CCNY: variants seen among roughly 807,000 people sequenced by gnomAD.
CCNY encodes the protein cyclin-Y.
A neutral mutation model predicts 42.8 loss-of-function variants in CCNY; 19 were observed. That is an observed-to-expected ratio of 0.44 (90% CI 0.31 to 0.65). CCNY has a LOEUF of 0.65. CCNY is among the 30% of genes least tolerant of loss of function. The pLI is 0.07. For missense variants in CCNY, 370 were observed against 437.3 expected, an observed-to-expected ratio of 0.85 and a Z score of 1.37; for synonymous variants, 165 against 162.7, an observed-to-expected ratio of 1.01 and a Z score of -0.11.
At chr10:35,539,965 T>A (rs1245804184) in intron 7 of CCNY, among the ~76,000 whole-genome samples, 2 of 152,234 alleles carry the variant, frequency 1.3e-5, no homozygotes, top group Admixed American at 1.3e-4. Context: ...ATTCTAATAA[T>A]TTTTTCAGTA....
intron 1 of CCNY, among the ~76,000 whole-genome samples, chr10:35,363,682 C>T (rs948826541): frequency 6.6e-6 from 1 of 152,156 alleles, no homozygotes; most frequent in Non-Finnish European, 1.5e-5. Context: ...CTCCGCCCCA[C>T]GACCTCCCCG....
intron 1 of CCNY, among the ~76,000 whole-genome samples, chr10:35,402,411 T>C (rs1837663752): frequency 6.6e-6 from 1 of 152,214 alleles, no homozygotes; most frequent in Admixed American, 6.5e-5. Flanking sequence ...GTGTTATTGT[T>C]TGCTTGGTTG....
At chr10:35,433,945 CA>C (rs147984383) in intron 1 of CCNY, among the ~76,000 whole-genome samples, 28 of 152,294 alleles carry the variant, frequency 1.8e-4, no homozygotes, top group African/African-American at 6.5e-4. Context: ...TGCATGTTAC[CA>C]CAGGAATTTG....
intron 3 of CCNY, among the ~76,000 whole-genome samples, chr10:35,510,975 T>A (rs1018155316): frequency 6.6e-6 from 1 of 152,216 alleles, no homozygotes; most frequent in African/African-American, 2.4e-5. Flanking sequence ...CCTGCCTGTC[T>A]GGAGTGTCTC....
At position 35,526,018 on chromosome 10, in the gene CCNY, G is replaced by A; in HGVS notation, c.401+19G>A. On this transcript the variant is annotated intron_variant, in intron 5 of 9. Transcript: ENST00000374704. ...AAAACAGGTATGTGGATGGTTGTGT[G>A]CTAAAAACATCATACGTTATCTTCT... is the stretch of plus-strand genomic sequence containing the variant. The A allele has an allele frequency of 6.2e-7, 1 of 1,601,514 alleles. No homozygotes were observed. Among genetic ancestry groups the A allele is most frequent in the Non-Finnish European group, 8.5e-7 (1 of 1,171,562 alleles).
Position 35,530,087 on chromosome 10 carries a change from C to G in CCNY, c.460-37C>G. On this transcript the variant is annotated intron_variant, in intron 6 of 9. Coordinates refer to ENST00000374704, the MANE Select transcript of CCNY (RefSeq NM_145012.6). The surrounding 1 kb of genome is among the most constrained non-coding windows in gnomAD (Gnocchi z 4.3). The stretch of plus-strand genomic sequence containing the variant: ...TTAATTATTTCTCTTTTGCTCCAAT[C>G]GGGAGATCAGTCATCTGAAAATATT... The G allele has an allele frequency of 6.2e-7, 1 of 1,614,064 alleles. No individual in the cohort carries two copies. The highest frequency in any genetic ancestry group is 1.1e-5 in the South Asian group (1 of 91,082).
intron 1 of CCNY, among the ~76,000 whole-genome samples, chr10:35,439,286 T>C (rs537324022): frequency 2.6e-5 from 4 of 152,210 alleles, no homozygotes; most frequent in Non-Finnish European, 5.9e-5. Context: ...GGCTCTATTA[T>C]TAGCTTTATT....
chr10:35,263,315 C>T (rs994838661), intron 3 of CCNY, among the ~76,000 whole-genome samples: 24 of 144,410 alleles, frequency 1.7e-4, no homozygotes, highest in Non-Finnish European at 2.8e-4. Flanking sequence ...CGAGATCGCG[C>T]CACTGCACTC....
intron 3 of CCNY, among the ~76,000 whole-genome samples, chr10:35,287,227 G>A (rs1259285424): frequency 6.6e-6 from 1 of 152,216 alleles, no homozygotes; most frequent in African/African-American, 2.4e-5. Context: ...TTCTTCAAAA[G>A]GGGAGAAAGC....
At chr10:35,334,843 T>C (rs1241160021), upstream of CCNY, among the ~76,000 whole-genome samples, 1 of 152,214 alleles carries the variant, frequency 6.6e-6, no homozygotes, top group Non-Finnish European at 1.5e-5. Context: ...GTTCACACGA[T>C]GTCCACACAT....
chr10:35,421,852 A>C (rs1027985199), intron 1 of CCNY, among the ~76,000 whole-genome samples: 1 of 152,142 alleles, frequency 6.6e-6, no homozygotes, highest in African/African-American at 2.4e-5. Context: ...AGTAAATATA[A>C]ATACAGTAAT....
chr10:35,464,530 C>T (rs561082413), intron 1 of CCNY, among the ~76,000 whole-genome samples: 2 of 151,918 alleles, frequency 1.3e-5, no homozygotes, highest in African/African-American at 2.4e-5. Flanking sequence ...ACTGCTTCCC[C>T]CTTCTTATGG....
At chr10:35,551,008 G>T (rs1268987625) in intron 7 of CCNY, among the ~76,000 whole-genome samples, 1 of 152,162 alleles carries the variant, frequency 6.6e-6, no homozygotes, top group Non-Finnish European at 1.5e-5. Context: ...AAGACAGAAA[G>T]CGTCCAGAGT....
intron 1 of CCNY, among the ~76,000 whole-genome samples, chr10:35,355,836 T>C (rs1018596365): frequency 6.6e-6 from 1 of 152,046 alleles, no homozygotes; most frequent in African/African-American, 2.4e-5. Context: ...TAGTTGCCCC[T>C]TATAAATTCC....
intron 5 of CCNY, among the ~76,000 whole-genome samples, chr10:35,529,237 G>A (rs767842561): frequency 1.8e-4 from 27 of 152,150 alleles, no homozygotes; most frequent in Non-Finnish European, 8.8e-5. Context: ...AAGTAGTGAC[G>A]TTGCGTGTTG....
At chr10:35,350,764 A>C (rs968893848) in intron 1 of CCNY, among the ~76,000 whole-genome samples, 1 of 152,218 alleles carries the variant, frequency 6.6e-6, no homozygotes, top group African/African-American at 2.4e-5. Flanking sequence ...CACTTCCATT[A>C]GTCAGGTGCA....
At chr10:35,269,328 G>GT (rs1384567669) in intron 3 of CCNY, among the ~76,000 whole-genome samples, 2 of 149,004 alleles carry the variant, frequency 1.3e-5, no homozygotes, top group Non-Finnish European at 3.0e-5. Context: ...TTTCTTTTTT[G>GT]TTTTTTGAGA....
chr10:35,285,102 G>A (rs1285977466), intron 3 of CCNY, among the ~76,000 whole-genome samples: 7 of 151,810 alleles, frequency 4.6e-5, no homozygotes, highest in African/African-American at 1.2e-4. Context: ...AGCAATCTCC[G>A]CCTCCCAGGT....
At chr10:35,525,667 T>TC (rs900498191) in intron 4 of CCNY, among the ~76,000 whole-genome samples, 2 of 152,160 alleles carry the variant, frequency 1.3e-5, no homozygotes, top group Non-Finnish European at 1.5e-5. Context: ...CTTTTTTTTT[T>TC]CCCACAAGTG....
Sources: gnomAD v4.1 joint callset for allele counts (sites outside exome capture counted in the v4.1 genomes callset) on GRCh38, gnomAD v4.1.1 for gene constraint, Gnocchi (gnomAD v3.1) non-coding constraint, MANE v1.5 for transcripts, NCBI Gene and HGNC (gene_info 2026-07-23, HGNC 2026-07-21) for gene names.